The following LRRC53 variants were observed in gnomAD, a reference collection of about 807,000 sequenced individuals.
LRRC53 encodes leucine rich repeat containing 53, also known as leucine-rich repeat-containing protein 53.
LRRC53 carries 25 observed loss-of-function variants against 13.6 expected under a neutral mutation model. That is an observed-to-expected ratio of 1.83 (90% CI 1.34 to 2.56). The LOEUF (loss-of-function observed/expected upper bound fraction) is 2.56. Among genes scored for constraint, LRRC53 ranks in the 30% most tolerant of loss-of-function variants. LRRC53 has a pLI of 0.00. For synonymous variants in LRRC53, 204 were observed against 109.8 expected (o/e 1.86, Z -5.37); for missense variants, 527 against 275.8 (o/e 1.91, Z -6.45).
chr1:74,505,704 C>T (rs1232271557), intron 1 of LRRC53, among the ~76,000 whole-genome samples: 1 of 152,160 alleles, frequency 6.6e-6, no homozygotes, highest in East Asian at 1.9e-4. Context: ...TGTCATTTCT[C>T]ATTATCTCCT....
At chr1:74,491,532 A>AGGTGTGAGG (rs1669075930) in intron 1 of LRRC53, among the ~76,000 whole-genome samples, 1 of 152,098 alleles carries the variant, frequency 6.6e-6, no homozygotes, top group South Asian at 2.1e-4. Flanking sequence ...GAGCCACCAC[A>AGGTGTGAGG]CCCAGCCAAG....
chr1:74,535,325 G>A, the LRRC53 span, among the ~76,000 whole-genome samples: 11 of 152,004 alleles, frequency 7.2e-5, no homozygotes, highest in African/African-American at 2.7e-4. Context: ...CAAAAAATTA[G>A]CCAGGCATGG....
intron 1 of LRRC53, among the ~76,000 whole-genome samples, chr1:74,495,993 T>C (rs1669308239): frequency 6.6e-6 from 1 of 152,166 alleles, no homozygotes; most frequent in African/African-American, 2.4e-5. Flanking sequence ...GCCATGAGTT[T>C]AACAGCTTGT....
At chr1:74,482,885 G>C (rs1412369209) in intron 2 of LRRC53, among the ~76,000 whole-genome samples, 1 of 152,154 alleles carries the variant, frequency 6.6e-6, no homozygotes, top group Non-Finnish European at 1.5e-5. Flanking sequence ...TCTTACTAAT[G>C]CTGAACAATT....
In LRRC53 at chr1:74,489,450, C is replaced by T. The variant is rs45581031; in HGVS notation, c.-26-6075G>A. Reference sequence around the variant, plus strand: ...GACAAAGGCAAAGTCAGAGTGAATTCGAGACCTTCCAACAAATAATAGGGC... The same window carrying T: ...GACAAAGGCAAAGTCAGAGTGAATTTGAGACCTTCCAACAAATAATAGGGC... On this transcript the variant is annotated intron_variant, in intron 1 of 4. Coordinates refer to ENST00000294635, the MANE Select transcript of LRRC53 (RefSeq NM_001382280.1). Among the ~76,000 whole-genome samples the T allele has an allele frequency of 2.7e-3, 416 of 152,228 alleles. 3 individuals are homozygous for T. Among genetic ancestry groups the T allele is most frequent in the African/African-American group, 9.5e-3 (393 of 41,546 alleles).
At chr1:74,483,420 C>G in intron 1 of LRRC53, 45 bp from the exon 2 acceptor site, 2 of 705,654 alleles carry the variant, frequency 2.8e-6, no homozygotes, top group Non-Finnish European at 5.3e-6. Context: ...TGTTGGCATT[C>G]ACTGTCCATT....
At chr1:74,507,225 C>A (rs1456826114) in intron 1 of LRRC53, among the ~76,000 whole-genome samples, 3 of 124,148 alleles carry the variant, frequency 2.4e-5, no homozygotes, top group African/African-American at 8.9e-5. Flanking sequence ...ATTTCTTCAC[C>A]CCCCCCCCAT....
At chr1:74,523,938 G>T in the LRRC53 span, among the ~76,000 whole-genome samples, 4 of 135,258 alleles carry the variant, frequency 3.0e-5, no homozygotes, top group Non-Finnish European at 6.3e-5. Context: ...CCCCACCCCC[G>T]ACAGGCCCCA....
intron 1 of LRRC53, among the ~76,000 whole-genome samples, chr1:74,504,234 A>G (rs1469493911): frequency 2.6e-5 from 4 of 152,210 alleles, no homozygotes; most frequent in Admixed American, 1.3e-4. Context: ...GAAAGGTGAT[A>G]GGGCTCTATG....
intron 4 of LRRC53, among the ~76,000 whole-genome samples, chr1:74,474,619 G>T (rs956459784): frequency 6.6e-6 from 1 of 152,126 alleles, no homozygotes; most frequent in Non-Finnish European, 1.5e-5. Flanking sequence ...TCACTGCTGA[G>T]CCTGAATGCG....
intron 1 of LRRC53, among the ~76,000 whole-genome samples, chr1:74,484,916 A>C (rs1209508828): frequency 9.9e-5 from 15 of 152,214 alleles, no homozygotes; most frequent in Non-Finnish European, 2.9e-5. Context: ...AGTAGCAAAA[A>C]TAGGAGGCAA....
At chr1:74,527,078 C>A in the LRRC53 span, among the ~76,000 whole-genome samples, 1 of 152,286 alleles carries the variant, frequency 6.6e-6, no homozygotes, top group East Asian at 1.9e-4. Flanking sequence ...TTGTTCAAGT[C>A]ACGTAGCCCC....
chr1:74,485,919 A>G (rs1227294969), intron 1 of LRRC53, among the ~76,000 whole-genome samples: 1 of 152,206 alleles, frequency 6.6e-6, no homozygotes, highest in Admixed American at 6.5e-5. Context: ...CTTGAGCCTC[A>G]GATGAGAATC....
upstream of LRRC53, chr1:74,512,655 C>G (rs1283596984): frequency 6.6e-6 from 1 of 152,220 alleles, no homozygotes; most frequent in African/African-American, 2.4e-5. Context: ...CATCTCCACT[C>G]CCACACCACC....
intron 3 of LRRC53, among the ~76,000 whole-genome samples, chr1:74,479,237 C>A (rs1359893394): frequency 1.3e-5 from 2 of 152,138 alleles, no homozygotes; most frequent in African/African-American, 4.8e-5. Context: ...GAGGAAAACA[C>A]ACACATCGAG....
chr1:74,509,481 A>G (rs904258908), intron 1 of LRRC53, among the ~76,000 whole-genome samples: 2 of 152,202 alleles, frequency 1.3e-5, no homozygotes, highest in Admixed American at 6.5e-5. Flanking sequence ...ACACAAATGA[A>G]TGATTTTCAT....
At chr1:74,499,909 G>A (rs779140700) in intron 1 of LRRC53, among the ~76,000 whole-genome samples, 4 of 151,912 alleles carry the variant, frequency 2.6e-5, no homozygotes, top group East Asian at 1.9e-4. Flanking sequence ...TGCTGAAATC[G>A]TTTGGACTAA....
At chr1:74,483,761 A>T (rs1038977457) in intron 1 of LRRC53, among the ~76,000 whole-genome samples, 2 of 152,168 alleles carry the variant, frequency 1.3e-5, no homozygotes, top group Non-Finnish European at 2.9e-5. Flanking sequence ...CCTAAATCAC[A>T]TAGCGGGTAG....
chr1:74,533,003 G>T, the LRRC53 span, among the ~76,000 whole-genome samples: 1 of 152,150 alleles, frequency 6.6e-6, no homozygotes, highest in Non-Finnish European at 1.5e-5. Context: ...ACATAGGCAT[G>T]GGCAAGGACT....
Sources: gnomAD v4.1 joint callset for allele counts (sites outside exome capture counted in the v4.1 genomes callset) on GRCh38, gnomAD v4.1.1 for gene constraint, MANE v1.5 for transcripts, NCBI Gene and HGNC (gene_info 2026-07-23, HGNC 2026-07-21) for gene names.